Variants in ATP2C1 observed in about 807,000 individuals in gnomAD.
ATP2C1 encodes calcium-transporting ATPase type 2C member 1.
Under a neutral mutation model 120.5 loss-of-function variants are expected in ATP2C1, and 31 were observed. The observed-to-expected ratio is 0.26, with a 90% CI of 0.19 to 0.35. ATP2C1 has a LOEUF of 0.35. ATP2C1 is among the 10% of genes least tolerant of loss of function. The probability of loss-of-function intolerance (pLI) is 1.00; values close to 1 mark genes in which losing one functional copy is unlikely to be tolerated. For synonymous variants in ATP2C1, 351 were observed against 358.7 expected, an observed-to-expected ratio of 0.98 and a Z score of 0.24; for missense variants, 731 against 1,107.5, an observed-to-expected ratio of 0.66 and a Z score of 4.83.
chr3:130,977,298 G>T (rs2061568085), intron 18 of ATP2C1, among the ~76,000 whole-genome samples: 1 of 152,140 alleles, frequency 6.6e-6, no homozygotes, highest in African/African-American at 2.4e-5. Flanking sequence ...CTTTTGCTAA[G>T]TTGCACTTAT....
At chr3:130,920,469 A>G (rs1372359504) in intron 2 of ATP2C1, among the ~76,000 whole-genome samples, 1 of 152,102 alleles carries the variant, frequency 6.6e-6, no homozygotes, top group Non-Finnish European at 1.5e-5. Context: ...TTTGTTGAAG[A>G]TCAGTTGACC....
At chr3:130,995,906 G>T in intron 22 of ATP2C1, 137 bp from the exon 23 acceptor site, 2 of 662,698 alleles carry the variant, frequency 3.0e-6, no homozygotes, top group Admixed American at 2.3e-5. Flanking sequence ...CGGCCTCCCA[G>T]TGTGCTGGGA....
intron 20 of ATP2C1, among the ~76,000 whole-genome samples, chr3:130,988,809 A>G (rs1196636341): frequency 6.6e-6 from 1 of 152,230 alleles, no homozygotes; most frequent in African/African-American, 2.4e-5. Flanking sequence ...TGTGATAACA[A>G]GACAGTAGTC....
At chr3:130,865,909 T>C (rs1402835825) in intron 1 of ATP2C1, among the ~76,000 whole-genome samples, 1 of 152,202 alleles carries the variant, frequency 6.6e-6, no homozygotes, top group Non-Finnish European at 1.5e-5. Flanking sequence ...TTATGTTGAT[T>C]TAAAAATTTT....
chr3:130,892,977 C>CT (rs1452781068), upstream of ATP2C1, among the ~76,000 whole-genome samples: 1 of 152,178 alleles, frequency 6.6e-6, no homozygotes, highest in Non-Finnish European at 1.5e-5. Flanking sequence ...TGTAAAGTGT[C>CT]TAAGTGTTGA....
At chr3:130,937,704 T>A (rs2059731953) in intron 6 of ATP2C1, among the ~76,000 whole-genome samples, 2 of 152,168 alleles carry the variant, frequency 1.3e-5, no homozygotes, top group African/African-American at 4.8e-5. Context: ...TTGATAATGT[T>A]AAGGATAACT....
intron 2 of ATP2C1, among the ~76,000 whole-genome samples, chr3:130,924,982 C>A (rs2059138650): frequency 6.6e-6 from 1 of 151,994 alleles, no homozygotes; most frequent in African/African-American, 2.4e-5. Context: ...TATCCTGTAT[C>A]ATGTTTTTGA....
At chr3:130,895,486 A>T (rs998984650) in intron 2 of ATP2C1, among the ~76,000 whole-genome samples, 1 of 152,206 alleles carries the variant, frequency 6.6e-6, no homozygotes, top group African/African-American at 2.4e-5. Context: ...AAAATTGTTG[A>T]ACAACTGTGA....
At chr3:130,963,622 G>C (rs911753242) in intron 12 of ATP2C1, 1 of 271,980 alleles carries the variant, frequency 3.7e-6, no homozygotes, top group Non-Finnish European at 7.2e-6. Flanking sequence ...TCATGTATGA[G>C]TTTTTGTTTG....
Position 130,993,933 on chromosome 3 carries a change from C to T in ATP2C1, c.1892C>T (p.Ser631Leu), listed in dbSNP as rs145949576. ...SPRHKMKIIK[S>L]LQKNGSVVAM... ...CCCCTGTCCTCTGCTCCACTCTAGT[C>T]GCTACAGAAGAACGGTTCAGTTGTA... The change falls in exon 22 of 28, where the codon TCG becomes TTG. Residue 631 changes from serine to leucine, a missense_variant and splice_region_variant. By Grantham distance (145) the Ser-to-Leu change is moderately radical (BLOSUM62 -2). This residue lies in a region of ATP2C1 where 571 missense variants were observed against 845.9 expected (regional missense o/e 0.67). Coordinates refer to ENST00000510168, the MANE Select transcript of ATP2C1 (RefSeq NM_001378687.1). 10 of 1,614,036 alleles carry T rather than the reference C, an allele frequency of 6.2e-6. No homozygotes were observed. The highest frequency in any genetic ancestry group is 8.5e-6 in the Non-Finnish European group (10 of 1,179,952).
chr3:131,001,450 C>T lies in ATP2C1; in HGVS notation c.*100C>T, dbSNP rs1313933346. 3 of 1,489,610 alleles carry T rather than the reference C, an allele frequency of 2.0e-6. No homozygotes were observed. The allele number at this position is 1,489,610 out of a possible 1,614,324, so 92.3% of individuals were successfully genotyped here. ...ATATGAAGATTTGAGAACTTTTTAACTATTCATTGACTAAAAATGAACATT... is the reference window on the plus strand; with the variant it reads ...ATATGAAGATTTGAGAACTTTTTAATTATTCATTGACTAAAAATGAACATT... On this transcript the variant is annotated 3_prime_UTR_variant, in exon 28 of 28. Coordinates refer to ENST00000510168, the MANE Select transcript of ATP2C1 (RefSeq NM_001378687.1).
rs1576808224 is a variant in ATP2C1 at position 130,941,272 on chromosome 3, G to C, written c.423-319G>C. 7.3e-5 allele frequency among the ~76,000 whole-genome samples: 11 copies of C among 151,420 alleles called. No individual in the cohort carries two copies. In the South Asian group the frequency reaches 2.3e-3, roughly 32 times the overall value. On this transcript the variant is annotated intron_variant, in intron 7 of 27. Transcript: ENST00000510168. Reference sequence around the variant, plus strand: ...TGTGTGTGTGTGTGTGTGTCTGTGTGTGTGCGCGCACGCGCGCATGCATGC... The same window carrying C: ...TGTGTGTGTGTGTGTGTGTCTGTGTCTGTGCGCGCACGCGCGCATGCATGC...
At chr3:131,005,567 T>C (rs113602225), downstream of ATP2C1, among the ~76,000 whole-genome samples, 29 of 152,328 alleles carry the variant, frequency 1.9e-4, no homozygotes, top group African/African-American at 5.8e-4. Context: ...CACAGGTCCA[T>C]CTGAAATGTA....
rs2062650080 is a variant in ATP2C1 at position 130,996,952 on chromosome 3, A to T, written c.2243+156A>T. Among the ~76,000 whole-genome samples, 3 of 152,168 alleles carry T rather than the reference A, an allele frequency of 2.0e-5. No homozygotes were observed. The South Asian group carries it at 6.2e-4, about 32-fold the overall frequency. ...AATTGTGTGATGTGTGTATTTTATTAATTCTTTTTGAGTGTGCATGCAGTG... is the reference window on the plus strand; with the variant it reads ...AATTGTGTGATGTGTGTATTTTATTTATTCTTTTTGAGTGTGCATGCAGTG... On this transcript the variant is annotated intron_variant, in intron 24 of 27. Transcript: ENST00000510168.
Position 130,854,570 on chromosome 3 carries a change from G to A in ATP2C1, c.108+3642G>A, listed in dbSNP as rs75086233. 4.6e-3 allele frequency among the ~76,000 whole-genome samples: 698 copies of A among 152,260 alleles called. 5 individuals carry two copies. The highest frequency in any genetic ancestry group is 0.015 in the African/African-American group (642 of 41,520). ...TGATCTGTGGCTCAGGTGATCAAGC[G>A]GGACACTGAGTGTGGAAGGGAGAAT... On this transcript the variant is annotated intron_variant, in intron 1 of 26. Transcript: ENST00000504381.
At chr3:130,864,882 G>C (rs1184085530) in intron 1 of ATP2C1, among the ~76,000 whole-genome samples, 3 of 152,218 alleles carry the variant, frequency 2.0e-5, no homozygotes, top group Admixed American at 1.3e-4. Context: ...ACTTCTGCCA[G>C]AGCAGTGTGG....
At chr3:130,964,181 CT>C in intron 13 of ATP2C1, 86 bp downstream of exon 13, 1 of 1,571,548 alleles carries the variant, frequency 6.4e-7, no homozygotes, top group Non-Finnish European at 8.7e-7. Context: ...CAGTTTTTAT[CT>C]TAGAGATTTG....
chr3:130,931,004 C>T (rs1006957496), intron 3 of ATP2C1, among the ~76,000 whole-genome samples: 3 of 152,006 alleles, frequency 2.0e-5, no homozygotes, highest in African/African-American at 7.2e-5. Context: ...TCTGTAATTG[C>T]TTATGTAGGC....
chr3:130,893,388 GCT>G (rs1428827669), upstream of ATP2C1, among the ~76,000 whole-genome samples: 1 of 152,168 alleles, frequency 6.6e-6, no homozygotes, highest in Non-Finnish European at 1.5e-5. Context: ...GCTGAACCTT[GCT>G]CTCTCATTAC....
Sources: allele counts gnomAD v4.1 joint callset (sites outside exome capture counted in the v4.1 genomes callset), GRCh38; gene constraint gnomAD v4.1.1; regional missense constraint gnomAD v4.1.1; transcripts MANE v1.5; gene names NCBI Gene and HGNC (gene_info 2026-07-23, HGNC 2026-07-21).